The following NLN variants were observed in gnomAD, a reference collection of about 807,000 sequenced individuals.
NLN encodes neurolysin.
NLN carries 64 observed loss-of-function variants against 79.9 expected under a neutral mutation model. The ratio of observed to expected loss-of-function variants is 0.80; its 90% CI spans 0.65 to 0.99. The LOEUF (loss-of-function observed/expected upper bound fraction) is 0.99. NLN is among the 50% of genes least tolerant of loss of function. The pLI is 0.00. For missense variants in NLN, 835 were observed against 858.7 expected, an observed-to-expected ratio of 0.97 and a Z score of 0.34; for synonymous variants, 267 against 296.6, an observed-to-expected ratio of 0.90 and a Z score of 1.02.
In NLN at chr5:65,777,480, G is replaced by A. The variant is rs757213496; in HGVS notation, c.504G>A (p.Lys168=). ...CTGAGGCCAGACGATACTTGGAAAA[G>A]TCAATTAAAATGGGGAAAAGAAATG... ...IKPEARRYLE[K]SIKMGKRNGL... The change falls in exon 4 of 13, where the codon AAG becomes AAA. Residue 168 remains lysine (K), a synonymous_variant. Transcript: ENST00000380985. 5.0e-6 allele frequency: 8 copies of A among 1,613,274 alleles called. No homozygotes were observed. Among genetic ancestry groups the A allele is most frequent in the South Asian group, 1.1e-5 (1 of 91,036 alleles).
At chr5:65,786,623 G>A (rs1427567213) in intron 7 of NLN, among the ~76,000 whole-genome samples, 4 of 151,970 alleles carry the variant, frequency 2.6e-5, no homozygotes, top group Non-Finnish European at 5.9e-5. Context: ...TCGGGAGGCC[G>A]AGGTGAGAGG....
rs146242783 is a variant in NLN at position 65,787,254 on chromosome 5, A to ATGTGTG, written c.959-848_959-843dup. Among the ~76,000 whole-genome samples the ATGTGTG allele has an allele frequency of 2.3e-3, 340 of 149,148 alleles. 2 individuals are homozygous for ATGTGTG. The highest frequency in any genetic ancestry group is 7.6e-3 in the African/African-American group (309 of 40,490). On this transcript the variant is annotated intron_variant, in intron 7 of 12. Coordinates refer to ENST00000380985, the MANE Select transcript of NLN (RefSeq NM_020726.5). ...TCTCTCTTTATATATATATATATGTATGTGTGTGTGTGTGTGTGTGTATAC... is the reference window on the plus strand; with the variant it reads ...TCTCTCTTTATATATATATATATGTATGTGTGTGTGTGTGTGTGTGTGTGTGTATAC...
chr5:65,759,905 A>G (rs1003214556), intron 2 of NLN, among the ~76,000 whole-genome samples: 5 of 152,062 alleles, frequency 3.3e-5, no homozygotes, highest in African/African-American at 1.2e-4. Flanking sequence ...CATTATTTTT[A>G]TAACATATTA....
At chr5:65,735,957 A>G (rs1480423875) in intron 1 of NLN, among the ~76,000 whole-genome samples, 1 of 152,230 alleles carries the variant, frequency 6.6e-6, no homozygotes, top group Non-Finnish European at 1.5e-5. Context: ...AATATTATAC[A>G]CAAAAAATGT....
At chr5:65,799,802 T>C (rs1373101856) in intron 9 of NLN, among the ~76,000 whole-genome samples, 1 of 152,218 alleles carries the variant, frequency 6.6e-6, no homozygotes, top group Non-Finnish European at 1.5e-5. Context: ...AAGAAGGATG[T>C]CAACACATTA....
Position 65,795,711 on chromosome 5 carries a change from A to AT in NLN, c.1527+3058dup, listed in dbSNP as rs541214581. ...CAAAATAAATAAATAAATAAAGTCT[A>AT]TTATCATAGCACTAGGATTCCTGAA... is the stretch of plus-strand genomic sequence containing the variant. On this transcript the variant is annotated intron_variant, in intron 9 of 12. Coordinates refer to ENST00000380985, the MANE Select transcript of NLN (RefSeq NM_020726.5). 2.0e-3 allele frequency among the ~76,000 whole-genome samples: 312 copies of AT among 152,240 alleles called. 1 individual carries two copies. The highest frequency in any genetic ancestry group is 6.9e-3 in the African/African-American group (288 of 41,554).
intron 1 of NLN, 65 bp downstream of exon 1, chr5:65,722,479 T>G: frequency 7.0e-7 from 1 of 1,422,638 alleles, no homozygotes; most frequent in Non-Finnish European, 9.6e-7. Flanking sequence ...GTGTGGTGCC[T>G]GGAGCCCGGA....
chr5:65,733,278 A>G lies in NLN; in HGVS notation c.41+10864A>G, dbSNP rs1758651717. 14 of 1,514,694 alleles carry G rather than the reference A, an allele frequency of 9.2e-6. 3 individuals are homozygous for G. Among genetic ancestry groups the G allele is most frequent in the Non-Finnish European group, 1.3e-5 (14 of 1,106,088 alleles). 93.8% of individuals were successfully genotyped at this position (1,514,694 alleles called of 1,614,324 possible). ...AGCTCTGCTAGAGAAAGTTGCTGCT[A>G]CTCTCGAGACCCTCACGTTAAAGGA... is the stretch of plus-strand genomic sequence containing the variant. On this transcript the variant is annotated intron_variant, in intron 1 of 12. Transcript: ENST00000380985.
Position 65,809,639 on chromosome 5 carries a change from A to C in NLN, c.1652A>C (p.Asp551Ala). 1 of 1,614,090 alleles carries C rather than the reference A, an allele frequency of 6.2e-7. No homozygotes were observed. Among genetic ancestry groups the C allele is most frequent in the Non-Finnish European group, 8.5e-7 (1 of 1,180,008 alleles). The change falls in exon 10 of 13, where the codon GAT (aspartate) becomes GCT (alanine). Residue 551 changes from aspartate (D) to alanine (A), a missense_variant. Coordinates refer to ENST00000380985, the MANE Select transcript of NLN (RefSeq NM_020726.5). ...CGAAGATTGTCAAAACATTATAAAG[A>C]TGGAAGCCCTATTGCAGACGATCTG... is the stretch of plus-strand genomic sequence containing the variant. ...SLRRLSKHYK[D>A]GSPIADDLLE...
Position 65,809,646 on chromosome 5 carries a change from C to T in NLN, c.1659C>T (p.Ser553=), listed in dbSNP as rs1190243750. 1 of 1,613,530 alleles carries T rather than the reference C, an allele frequency of 6.2e-7. No homozygotes were observed. Among genetic ancestry groups the T allele is most frequent in the Non-Finnish European group, 8.5e-7 (1 of 1,179,874 alleles). The part of the protein sequence containing the change: ...RRLSKHYKDG[S]PIADDLLEKL... ...TGTCAAAACATTATAAAGATGGAAG[C>T]CCTATTGCAGACGATCTGCTTGAAA... The change falls in exon 10 of 13, where the codon AGC becomes AGT. Residue 553 remains serine (S), a synonymous_variant. Transcript: ENST00000380985.
At chr5:65,758,874 T>G (rs751037986) in intron 2 of NLN, 48 bp downstream of exon 2, 1 of 1,527,930 alleles carries the variant, frequency 6.5e-7, no homozygotes, top group African/African-American at 1.4e-5. Flanking sequence ...GTGGACATCT[T>G]AAATCATTTC....
chr5:65,737,225 C>A (rs1358817232), intron 1 of NLN, among the ~76,000 whole-genome samples: 1 of 152,176 alleles, frequency 6.6e-6, no homozygotes, highest in African/African-American at 2.4e-5. Context: ...GAAACTGCTC[C>A]TGCCCTCATG....
intron 1 of NLN, among the ~76,000 whole-genome samples, chr5:65,756,397 C>T (rs545894507): frequency 6.6e-6 from 1 of 152,250 alleles, no homozygotes; most frequent in Non-Finnish European, 1.5e-5. Context: ...AGTACCAAAT[C>T]CTTTTGAGTC....
chr5:65,802,331 G>T (rs979816886), intron 9 of NLN, among the ~76,000 whole-genome samples: 12 of 152,358 alleles, frequency 7.9e-5, no homozygotes, highest in Non-Finnish European at 1.5e-4. Flanking sequence ...CAGCACAGGC[G>T]CTGGAGGCAA....
At chr5:65,773,823 AT>A (rs1759621483) in intron 3 of NLN, among the ~76,000 whole-genome samples, 1 of 152,100 alleles carries the variant, frequency 6.6e-6, no homozygotes, top group African/African-American at 2.4e-5. Context: ...TGTGCCTGTA[AT>A]CCCAGCTACT....
At chr5:65,757,442 A>G (rs1319904614) in intron 1 of NLN, among the ~76,000 whole-genome samples, 1 of 152,210 alleles carries the variant, frequency 6.6e-6, no homozygotes, top group Non-Finnish European at 1.5e-5. Flanking sequence ...TCTCTTCAGT[A>G]AAATGAGACT....
Position 65,788,131 on chromosome 5 carries a change from G to A in NLN, c.972G>A (p.Gln324=). ...RVTAFLDDLS[Q]KLKPLGEAER... ...TTTTCCTTACAGATGATTTAAGCCA[G>A]AAGTTAAAACCCTTGGGTGAAGCAG... The change falls in exon 8 of 13, where the codon CAG becomes CAA. Residue 324 remains glutamine, a synonymous_variant. Coordinates refer to ENST00000380985, the MANE Select transcript of NLN (RefSeq NM_020726.5). The A allele has an allele frequency of 6.2e-7, 1 of 1,612,614 alleles. No homozygotes were observed. The highest frequency in any genetic ancestry group is 8.5e-7 in the Non-Finnish European group (1 of 1,179,544).
At chr5:65,734,589 G>A (rs1024653303) in intron 1 of NLN, among the ~76,000 whole-genome samples, 1 of 151,494 alleles carries the variant, frequency 6.6e-6, no homozygotes, top group Non-Finnish European at 1.5e-5. Context: ...CTCTGAGATT[G>A]TCTATGCTTC....
At chr5:65,755,047 A>G (rs866006893) in intron 1 of NLN, among the ~76,000 whole-genome samples, 30 of 152,304 alleles carry the variant, frequency 2.0e-4, no homozygotes, top group Middle Eastern at 3.4e-3. Context: ...TCACATTTTT[A>G]CTATAACCTG....
Sources: allele counts gnomAD v4.1 joint callset (sites outside exome capture counted in the v4.1 genomes callset), GRCh38; gene constraint gnomAD v4.1.1; transcripts MANE v1.5; gene names NCBI Gene and HGNC (gene_info 2026-07-23, HGNC 2026-07-21).